Variants in TYSND1 observed in about 807,000 individuals in gnomAD.
TYSND1 encodes trypsin like peroxisomal matrix peptidase 1, also known as peroxisomal leader peptide-processing protease.
TYSND1 carries 30 observed loss-of-function variants against 37.2 expected under a neutral mutation model. The ratio of observed to expected loss-of-function variants is 0.81; its 90% CI spans 0.60 to 1.09. The LOEUF (loss-of-function observed/expected upper bound fraction) is 1.09. Ranked by LOEUF, TYSND1 falls within the 50% of genes least tolerant of loss-of-function variation. TYSND1 has a pLI of 0.00. For missense variants in TYSND1, 806 were observed against 817.4 expected, an observed-to-expected ratio of 0.99 and a Z score of 0.17; for synonymous variants, 364 against 383.8, an observed-to-expected ratio of 0.95 and a Z score of 0.60.
In TYSND1 at chr10:70,146,475, T is replaced by A; in HGVS notation, c.112A>T (p.Ile38Phe). Reference sequence around the variant, plus strand: ...ACCAGGCCCGGGCTACGGCTCAGGATTACCCCGCTGCAGCTCCACGGGCCC... The same window carrying A: ...ACCAGGCCCGGGCTACGGCTCAGGAATACCCCGCTGCAGCTCCACGGGCCC... ...EAGPWSCSGV[I>F]LSRSPGLVLC... is the part of the protein sequence containing the mutation. Residue 38 changes from isoleucine (I) to phenylalanine (F), a missense_variant, in exon 1 of 4, where the codon ATC becomes TTC. By Grantham distance (21) the Ile-to-Phe change is conservative. Transcript: ENST00000287078. 1 of 1,602,304 alleles carries A rather than the reference T, an allele frequency of 6.2e-7. No individual in the cohort carries two copies.
At position 70,145,801 on chromosome 10, in the gene TYSND1, C is replaced by T. The variant is rs1839196281; in HGVS notation, c.786G>A (p.Glu262=). ...LTDARCLPGT[E]GGGVFTARPA... ...GCCGCGCGGTGAACACGCCGCCGCC[C>T]TCGGTGCCGGGCAGGCAGCGTGCGT... The change falls in exon 1 of 4, where the codon GAG becomes GAA. Residue 262 remains glutamate, a synonymous_variant. Coordinates refer to ENST00000287078, the MANE Select transcript of TYSND1 (RefSeq NM_173555.4). 6.7e-7 allele frequency: 1 copy of T among 1,502,566 alleles called. No homozygotes were observed. The highest frequency in any genetic ancestry group is 2.6e-5 in the East Asian group (1 of 37,898). The allele number at this position is 1,502,566 out of a possible 1,614,324, so 93.1% of individuals were successfully genotyped here. A position where few individuals can be genotyped will look rare whatever the true frequency, so the allele number is the denominator to read the frequency against.
Position 70,145,945 on chromosome 10 carries a change from G to A in TYSND1, c.642C>T (p.Pro214=), listed in dbSNP as rs781037714. The A allele has an allele frequency of 1.7e-4, 272 of 1,555,262 alleles. 1 individual carries two copies. In the Middle Eastern group the frequency reaches 4.7e-3, roughly 27 times the overall value. ...AMAVSPLGAV[P]KGAPLLVCGS... is the part of the protein sequence containing the mutation. Reference sequence around the variant, plus strand: ...CGCAGACCAGCAATGGCGCACCCTTGGGCACGGCCCCGAGAGGCGACACCG... The same window carrying A: ...CGCAGACCAGCAATGGCGCACCCTTAGGCACGGCCCCGAGAGGCGACACCG... Residue 214 remains proline, a synonymous_variant, in exon 1 of 4, where the codon CCC becomes CCT. Transcript: ENST00000287078.
rs1169156404 is a variant in TYSND1, at chr10:70,142,626, C to G, written c.1483+42G>C. 2.1e-6 allele frequency: 3 copies of G among 1,398,618 alleles called. No individual in the cohort carries two copies. In the East Asian group the frequency reaches 9.5e-5, roughly 44 times the overall value. 86.6% of individuals were successfully genotyped at this position (1,398,618 alleles called of 1,614,324 possible). On this transcript the variant is annotated intron_variant, in intron 3 of 3. Coordinates refer to ENST00000287078, the MANE Select transcript of TYSND1 (RefSeq NM_173555.4). ...GCACTCATGGGGTGGGACTGAGGTT[C>G]TGGCAAGTGGGAGGGCGGGAGGGGG... is the stretch of plus-strand genomic sequence containing the variant.
At chr10:70,141,530 A>C (rs549332452) in intron 3 of TYSND1, among the ~76,000 whole-genome samples, 42 of 152,150 alleles carry the variant, frequency 2.8e-4, no homozygotes, top group African/African-American at 9.9e-4. Flanking sequence ...CATTACTTTT[A>C]ATTGTTTTGC....
In TYSND1 at chr10:70,145,689, C is replaced by T; in HGVS notation, c.898G>A (p.Ala300Thr). The change falls in exon 1 of 4, where the codon GCC becomes ACC. Residue 300 changes from alanine to threonine, a missense_variant. Transcript: ENST00000287078. ...WVGFTLLCAA[A>T]PLFRAARDAL... ...TCGCGGGCGGCGCGGAAAAGGGGGG[C>T]GGCGGCGCAGAGCAGCGTGAAGCCC... 1 of 1,387,614 alleles carries T rather than the reference C, an allele frequency of 7.2e-7. No individual in the cohort carries two copies. The highest frequency in any genetic ancestry group is 1.5e-5 in the African/African-American group (1 of 65,602). 86.0% of individuals were successfully genotyped at this position (1,387,614 alleles called of 1,614,324 possible).
In TYSND1 at chr10:70,139,026, G is replaced by C. The variant is rs1319139003; in HGVS notation, c.*898C>G. ...GCAGGAGGTCTCCTGGAGCCCAGGA[G>C]TTTGAGGCTGCAGTGAGCTGTGATC... On this transcript the variant is annotated 3_prime_UTR_variant, in exon 4 of 4. Transcript: ENST00000287078. 6.7e-6 allele frequency: 1 copy of C among 149,988 alleles called. No individual in the cohort carries two copies. Among genetic ancestry groups the C allele is most frequent in the Middle Eastern group, 3.2e-3 (1 of 316 alleles). The allele number at this position is 149,988 out of a possible 1,614,324, so 9.3% of individuals were successfully genotyped here. A position where few individuals can be genotyped will look rare whatever the true frequency, so the allele number is the denominator to read the frequency against.
rs1435087337 is a variant in TYSND1, at chr10:70,145,900, G to A, written c.687C>T (p.Phe229=). The A allele has an allele frequency of 2.6e-6, 4 of 1,548,140 alleles. No homozygotes were observed. The highest frequency in any genetic ancestry group is 2.0e-5 in the Admixed American group (1 of 50,940). The change falls in exon 1 of 4, where the codon TTC becomes TTT. Residue 229 remains phenylalanine, a synonymous_variant. Coordinates refer to ENST00000287078, the MANE Select transcript of TYSND1 (RefSeq NM_173555.4). ...LLVCGSPFGA[F]CPDIFLNTLS... ...GCGTGTTGAGAAAGATGTCGGGGCA[G>A]AAGGCGCCGAAAGGGGAGCCGCAGA...
Position 70,139,814 on chromosome 10 carries a change from CCTGGGCCCCTGCAGGGG to C in TYSND1, c.*93_*109del, listed in dbSNP as rs1215473695. The C allele has an allele frequency of 9.1e-7, 1 of 1,098,224 alleles. No homozygotes were observed. The highest frequency in any genetic ancestry group is 1.3e-6 in the Non-Finnish European group (1 of 768,506). The allele number at this position is 1,098,224 out of a possible 1,614,324, so 68.0% of individuals were successfully genotyped here. ...GTCAGTGGGTGGAGATGAGAGGCAG[CCTGGGCCCCTGCAGGGG>C]CTGGGCCCTGAATCCTGAGGCCACC... On this transcript the variant is annotated 3_prime_UTR_variant, in exon 4 of 4. Coordinates refer to ENST00000287078, the MANE Select transcript of TYSND1 (RefSeq NM_173555.4).
Position 70,139,065 on chromosome 10 carries a change from C to T in TYSND1, c.*859G>A, listed in dbSNP as rs981380974. 6.7e-6 allele frequency: 1 copy of T among 148,406 alleles called. No individual in the cohort carries two copies. The highest frequency in any genetic ancestry group is 1.5e-5 in the Non-Finnish European group (1 of 67,616). 9.2% of individuals were successfully genotyped at this position (148,406 alleles called of 1,614,324 possible). A position where few individuals can be genotyped will look rare whatever the true frequency, so the allele number is the denominator to read the frequency against. ...TGAGCTGTGATCGCAACACTGCACT[C>T]CAGCCTGGGTGAGAGAGCAAGACCA... On this transcript the variant is annotated 3_prime_UTR_variant, in exon 4 of 4. Coordinates refer to ENST00000287078, the MANE Select transcript of TYSND1 (RefSeq NM_173555.4).
rs1293015752 is a variant in TYSND1, at chr10:70,145,754, A to G, written c.833T>C (p.Leu278Pro). Residue 278 changes from leucine to proline, a missense_variant, in exon 1 of 4, where the codon CTG (leucine) becomes CCG (proline). Transcript: ENST00000287078. ...TARPAGALVA[L>P]VVAPLCWKAG... Reference sequence around the variant, plus strand: ...CTTCCAACAGAGCGGCGCCACCACCAGCGCCACCAGCGCCCCCGCGGGCCG... The same window carrying G: ...CTTCCAACAGAGCGGCGCCACCACCGGCGCCACCAGCGCCCCCGCGGGCCG... 8.4e-6 allele frequency: 12 copies of G among 1,435,974 alleles called. No homozygotes were observed. Among genetic ancestry groups the G allele is most frequent in the Non-Finnish European group, 6.3e-6 (7 of 1,104,860 alleles). The allele number at this position is 1,435,974 out of a possible 1,614,324, so 89.0% of individuals were successfully genotyped here.
In TYSND1 at chr10:70,146,407, G is replaced by A; in HGVS notation, c.180C>T (p.Gly60=). The A allele has an allele frequency of 6.3e-7, 1 of 1,596,350 alleles. No homozygotes were observed. Among genetic ancestry groups the A allele is most frequent in the Non-Finnish European group, 8.5e-7 (1 of 1,176,144 alleles). ...CGCCGGCCGCGGTCAGGACTTCGCT[G>A]CCAGCTCGCAGGAAGGGGACGAAGA... ...GGIFVPFLRA[G]SEVLTAAGAV... Residue 60 remains glycine (G), a synonymous_variant, in exon 1 of 4, where the codon GGC becomes GGT. Transcript: ENST00000287078.
At chr10:70,140,484 T>G (rs572535664) in intron 3 of TYSND1, among the ~76,000 whole-genome samples, 2 of 152,056 alleles carry the variant, frequency 1.3e-5, no homozygotes, top group Non-Finnish European at 1.5e-5. Flanking sequence ...TTGTGCCAAG[T>G]AGGCGCGCAA....
intron 3 of TYSND1, 68 bp from the exon 4 acceptor site, chr10:70,140,209 G>C: frequency 2.0e-5 from 26 of 1,328,430 alleles, no homozygotes; most frequent in Non-Finnish European, 2.4e-5. Context: ...AAGGGAGGAG[G>C]ACCATCTCCA....
Position 70,145,488 on chromosome 10 carries a change from C to T in TYSND1, c.1099G>A (p.Val367Ile). The T allele has an allele frequency of 6.6e-7, 1 of 1,524,630 alleles. No individual in the cohort carries two copies. The highest frequency in any genetic ancestry group is 8.8e-7 in the Non-Finnish European group (1 of 1,141,300). The allele number at this position is 1,524,630 out of a possible 1,614,324, so 94.4% of individuals were successfully genotyped here. A position where few individuals can be genotyped will look rare whatever the true frequency, so the allele number is the denominator to read the frequency against. Residue 367 changes from valine to isoleucine, a missense_variant, in exon 1 of 4, where the codon GTA becomes ATA. Physicochemically the swap from Val to Ile is conservative, Grantham distance 29. Around this residue, in one of 3 missense-constraint regions of TYSND1, gnomAD observed 708 missense variants for 705.4 expected, o/e 1.00. Coordinates refer to ENST00000287078, the MANE Select transcript of TYSND1 (RefSeq NM_173555.4). ...GGGGACACGTGCCGACAGGTCACTA[C>T]AAGGCGGGGTGCCACAGCCACTCCG... ...GSGVAVAPRL[V>I]VTCRHVSPRE...
rs1839228709 is a variant in TYSND1 at position 70,146,346 on chromosome 10, G to A, written c.241C>T (p.Leu81=). ...GGGGCCCACTGCACGTGCAGGCGCA[G>A]GTCGTCCCTGCAACTGTCGCCAGGC... is the stretch of plus-strand genomic sequence containing the variant. ...FLPGDSCRDD[L]RLHVQWAPTA... The change falls in exon 1 of 4, where the codon CTG becomes TTG. Residue 81 remains leucine, a synonymous_variant. Coordinates refer to ENST00000287078, the MANE Select transcript of TYSND1 (RefSeq NM_173555.4). 3.2e-6 allele frequency: 5 copies of A among 1,541,794 alleles called. No individual in the cohort carries two copies. Among genetic ancestry groups the A allele is most frequent in the Non-Finnish European group, 3.5e-6 (4 of 1,150,180 alleles).
chr10:70,141,856 C>A (rs997436156), intron 3 of TYSND1, among the ~76,000 whole-genome samples: 1 of 152,102 alleles, frequency 6.6e-6, no homozygotes, highest in African/African-American at 2.4e-5. Context: ...ATTACTGGCA[C>A]GAGCTACCAC....
At chr10:70,144,876 T>C (rs2072852930) in intron 1 of TYSND1, 4 of 770,060 alleles carry the variant, frequency 5.2e-6, no homozygotes, top group Admixed American at 6.3e-5. Flanking sequence ...CTGAACCATG[T>C]ACAGCTGCGT....
At chr10:70,140,180 G>A (rs1199090877) in intron 3 of TYSND1, 39 bp from the exon 4 acceptor site, 3 of 1,539,614 alleles carry the variant, frequency 1.9e-6, no homozygotes, top group Non-Finnish European at 2.7e-6. Flanking sequence ...ATGTGAGCCA[G>A]GGGGCAGAAA....
chr10:70,145,281 G>T (rs746017982), intron 1 of TYSND1, 140 bp downstream of exon 1: 215 of 770,908 alleles, frequency 2.8e-4, no homozygotes, highest in Non-Finnish European at 3.7e-4. Flanking sequence ...ATGAGGGGAG[G>T]GTTCCAGGTC....
Sources: allele counts gnomAD v4.1 joint callset (sites outside exome capture counted in the v4.1 genomes callset), GRCh38; gene constraint gnomAD v4.1.1; regional missense constraint gnomAD v4.1.1; transcripts MANE v1.5; gene names NCBI Gene and HGNC (gene_info 2026-07-23, HGNC 2026-07-21).